The following NPSR1 variants were observed in gnomAD, a reference collection of about 807,000 sequenced individuals.
NPSR1 encodes the protein neuropeptide S receptor 1, also known as neuropeptide S receptor.
Under a neutral mutation model 46.9 loss-of-function variants are expected in NPSR1, and 48 were observed. That is an observed-to-expected ratio of 1.02 (90% confidence interval 0.81 to 1.30). The LOEUF is 1.30. Ranked by LOEUF, NPSR1 falls within the 50% of genes most tolerant of loss-of-function variation. The pLI is 0.00. For synonymous variants in NPSR1, 176 were observed against 168.1 expected, an observed-to-expected ratio of 1.05 and a Z score of -0.36; for missense variants, 450 against 449.5, an observed-to-expected ratio of 1.00 and a Z score of -0.01.
At chr7:34,845,938 G>A (rs1790728097) in intron 7 of NPSR1, among the ~76,000 whole-genome samples, 1 of 152,132 alleles carries the variant, frequency 6.6e-6, no homozygotes, top group East Asian at 1.9e-4. Flanking sequence ...AGGAAGTATA[G>A]ATCTCCCATT....
At chr7:34,743,730 A>G (rs186953439) in intron 2 of NPSR1, among the ~76,000 whole-genome samples, 1 of 152,282 alleles carries the variant, frequency 6.6e-6, no homozygotes, top group East Asian at 1.9e-4. Context: ...TCTCATTATG[A>G]TCAACAAATC....
chr7:34,736,931 A>G (rs1224176681), intron 2 of NPSR1, among the ~76,000 whole-genome samples: 1 of 152,082 alleles, frequency 6.6e-6, no homozygotes, highest in African/African-American at 2.4e-5. Flanking sequence ...AATATTCGCA[A>G]TTTTCACAGG....
At chr7:34,716,957 G>C (rs1783604320) in intron 2 of NPSR1, among the ~76,000 whole-genome samples, 1 of 152,156 alleles carries the variant, frequency 6.6e-6, no homozygotes, top group South Asian at 2.1e-4. Flanking sequence ...GCTTCCCTTA[G>C]AGGTGAAGAA....
At chr7:34,688,887 A>C (rs922172427) in intron 2 of NPSR1, among the ~76,000 whole-genome samples, 1 of 152,120 alleles carries the variant, frequency 6.6e-6, no homozygotes, top group Admixed American at 6.5e-5. Context: ...AGCTCTCTGC[A>C]CTCGATGCCC....
chr7:34,867,477 G>A (rs937329289), intron 8 of NPSR1, among the ~76,000 whole-genome samples: 5 of 151,902 alleles, frequency 3.3e-5, no homozygotes, highest in Admixed American at 6.5e-5. Flanking sequence ...CAATTGGCCA[G>A]GCCAGCTCCT....
chr7:34,818,489 C>G (rs528855133), intron 4 of NPSR1, among the ~76,000 whole-genome samples: 1 of 152,156 alleles, frequency 6.6e-6, no homozygotes, highest in Non-Finnish European at 1.5e-5. Context: ...AATGGCCATA[C>G]TGCCCAAGGT....
intron 4 of NPSR1, among the ~76,000 whole-genome samples, chr7:34,812,203 C>T (rs1170320207): frequency 2.6e-5 from 4 of 152,094 alleles, no homozygotes; most frequent in Non-Finnish European, 5.9e-5. Flanking sequence ...GACATGCATA[C>T]CTGTCCAAAG....
At chr7:34,854,461 A>G (rs1399840624), downstream of NPSR1, among the ~76,000 whole-genome samples, 1 of 152,238 alleles carries the variant, frequency 6.6e-6, no homozygotes, top group Non-Finnish European at 1.5e-5. Context: ...AAAATCAAAG[A>G]ATGGATCAAG....
At chr7:34,816,211 G>C (rs1333833379) in intron 4 of NPSR1, among the ~76,000 whole-genome samples, 1 of 135,328 alleles carries the variant, frequency 7.4e-6, no homozygotes, top group Non-Finnish European at 1.6e-5. Flanking sequence ...AAAATAAAGG[G>C]ATGGAGGAAG....
intron 2 of NPSR1, among the ~76,000 whole-genome samples, chr7:34,686,611 T>G (rs948538968): frequency 6.6e-6 from 1 of 152,160 alleles, no homozygotes; most frequent in Non-Finnish European, 1.5e-5. Context: ...TTTTTACTTC[T>G]CTTTTGCTTC....
intron 2 of NPSR1, among the ~76,000 whole-genome samples, chr7:34,709,787 GAATGA>G (rs1190621680): frequency 6.6e-6 from 1 of 151,978 alleles, no homozygotes; most frequent in African/African-American, 2.4e-5. Context: ...CCAAATGAAT[GAATGA>G]AAGATGAATA....
intron 4 of NPSR1, among the ~76,000 whole-genome samples, chr7:34,813,933 G>A (rs1348032733): frequency 6.6e-6 from 1 of 152,130 alleles, no homozygotes; most frequent in Non-Finnish European, 1.5e-5. Flanking sequence ...AATTTGCTGG[G>A]GATCTGTTCC....
intron 2 of NPSR1, among the ~76,000 whole-genome samples, chr7:34,690,655 T>C (rs13246143): frequency 0.22 from 34,111 of 152,142 alleles, 4,100 homozygotes; most frequent in South Asian, 0.35. Context: ...AGACATCTTT[T>C]GAATTAAACC....
At position 34,697,248 on chromosome 7, in the gene NPSR1, GTAGT is replaced by G. The variant is rs1160201596; in HGVS notation, c.280+12567_280+12570del. ...AATGAAACAAAATAAAGAGATCTGG[GTAGT>G]TAAAGATGTTAAAGTCCTTGGATTG... On this transcript the variant is annotated intron_variant, in intron 2 of 8. Coordinates refer to ENST00000360581, the MANE Select transcript of NPSR1 (RefSeq NM_207172.2). Among the ~76,000 whole-genome samples the G allele has an allele frequency of 2.0e-5, 3 of 151,784 alleles. No homozygotes were observed. In the East Asian group the frequency reaches 5.8e-4, roughly 29 times the overall value.
At chr7:34,875,844 T>C (rs1195471924) in intron 8 of NPSR1, among the ~76,000 whole-genome samples, 1 of 152,068 alleles carries the variant, frequency 6.6e-6, no homozygotes, top group Middle Eastern at 3.4e-3. Context: ...GACCAGGAAA[T>C]GATTAAGAGA....
intron 6 of NPSR1, among the ~76,000 whole-genome samples, chr7:34,839,183 A>G (rs938591128): frequency 2.0e-5 from 3 of 152,282 alleles, no homozygotes; most frequent in African/African-American, 4.8e-5. Flanking sequence ...ACAGAAAAAC[A>G]TAAAGATACA....
At chr7:34,863,955 G>A (rs1288636886) in intron 8 of NPSR1, among the ~76,000 whole-genome samples, 6 of 151,718 alleles carry the variant, frequency 4.0e-5, no homozygotes, top group African/African-American at 1.5e-4. Context: ...GTTCACAATA[G>A]CAAAGACTTG....
At chr7:34,683,675 T>C (rs1286210210) in intron 1 of NPSR1, among the ~76,000 whole-genome samples, 3 of 151,866 alleles carry the variant, frequency 2.0e-5, no homozygotes, top group Admixed American at 6.6e-5. Context: ...TGGCAGAAAG[T>C]GAGAGGGTGA....
intron 3 of NPSR1, among the ~76,000 whole-genome samples, chr7:34,805,268 G>C (rs984128587): frequency 2.0e-5 from 3 of 151,832 alleles, no homozygotes; most frequent in African/African-American, 4.8e-5. Flanking sequence ...AACACTACCT[G>C]ATTTTAAGAC....
Sources: allele counts gnomAD v4.1 joint callset (sites outside exome capture counted in the v4.1 genomes callset), GRCh38; gene constraint gnomAD v4.1.1; transcripts MANE v1.5; gene names NCBI Gene and HGNC (gene_info 2026-07-23, HGNC 2026-07-21).